ASTN2: variants seen among roughly 807,000 people sequenced by gnomAD.
ASTN2 encodes astrotactin-2.
A neutral mutation model predicts 139.8 loss-of-function variants in ASTN2; 54 were observed. That is an observed-to-expected ratio of 0.39 (90% CI 0.31 to 0.48). The LOEUF is 0.48. ASTN2 is among the 20% of genes least tolerant of loss of function. ASTN2 has a pLI of 0.95. For synonymous variants in ASTN2, 756 were observed against 719.5 expected (o/e 1.05, Z -0.81); for missense variants, 1,565 against 1,725.1 (o/e 0.91, Z 1.64).
intron 19 of ASTN2, among the ~76,000 whole-genome samples, chr9:116,524,767 T>G (rs947042931): frequency 1.3e-5 from 2 of 152,210 alleles, no homozygotes; most frequent in East Asian, 3.8e-4. Flanking sequence ...AAGTTGGCAT[T>G]CCTTCTCAGG....
At chr9:117,135,057 C>A (rs1240330107) in intron 4 of ASTN2, among the ~76,000 whole-genome samples, 2 of 152,204 alleles carry the variant, frequency 1.3e-5, no homozygotes, top group Non-Finnish European at 2.9e-5. Flanking sequence ...CTCACAGCAG[C>A]ACTGATGACA....
In ASTN2 at chr9:116,527,914, C is replaced by T. The variant is rs1003288383; in HGVS notation, c.3356-40414G>A. 1.9e-4 allele frequency among the ~76,000 whole-genome samples: 29 copies of T among 152,140 alleles called. 1 individual carries two copies. The highest frequency in any genetic ancestry group is 1.5e-5 in the Non-Finnish European group (1 of 68,034). On this transcript the variant is annotated intron_variant, in intron 19 of 22. Coordinates refer to ENST00000313400, the MANE Select transcript of ASTN2 (RefSeq NM_001365068.1). Reference sequence around the variant, plus strand: ...ACCACTACTGTAAGCTTCCTGAGGCCTCCCAAGCCACATAGAACTGTGAGT... The same window carrying T: ...ACCACTACTGTAAGCTTCCTGAGGCTTCCCAAGCCACATAGAACTGTGAGT...
chr9:116,503,020 A>C (rs760307895), intron 19 of ASTN2, among the ~76,000 whole-genome samples: 2 of 149,554 alleles, frequency 1.3e-5, no homozygotes, highest in Non-Finnish European at 3.0e-5. Flanking sequence ...AGATGAAAGG[A>C]AAGAAAAAAG....
intron 19 of ASTN2, among the ~76,000 whole-genome samples, chr9:116,559,140 G>A (rs1269544660): frequency 6.6e-6 from 1 of 152,148 alleles, no homozygotes; most frequent in Non-Finnish European, 1.5e-5. Flanking sequence ...CTGTGGGACT[G>A]GAGGAGATCT....
At chr9:117,405,604 G>T (rs1426703560) in intron 1 of ASTN2, among the ~76,000 whole-genome samples, 1 of 152,110 alleles carries the variant, frequency 6.6e-6, no homozygotes, top group Non-Finnish European at 1.5e-5. Context: ...AAACACATAG[G>T]GGTCAGTAGA....
chr9:117,380,030 G>T (rs1310785417), intron 1 of ASTN2, among the ~76,000 whole-genome samples: 2 of 152,114 alleles, frequency 1.3e-5, no homozygotes, highest in Non-Finnish European at 2.9e-5. Flanking sequence ...ACACTAATGT[G>T]AAAGGTTTTA....
At chr9:117,238,265 C>T (rs184876164) in intron 2 of ASTN2, among the ~76,000 whole-genome samples, 90 of 152,264 alleles carry the variant, frequency 5.9e-4, no homozygotes, top group African/African-American at 2.1e-3. Flanking sequence ...TGGGTGTCTA[C>T]AGCCACAGGA....
intron 2 of ASTN2, among the ~76,000 whole-genome samples, chr9:117,286,438 G>A (rs1041364466): frequency 6.9e-6 from 1 of 145,454 alleles, no homozygotes; most frequent in Non-Finnish European, 1.5e-5. Context: ...TGCAAGCTCC[G>A]CCTCCTGCCT....
In ASTN2 at chr9:116,808,277, TTGTGTGTG is replaced by T. The variant is rs10553571; in HGVS notation, c.2208-2465_2208-2458del. On this transcript the variant is annotated intron_variant, in intron 12 of 22. Transcript: ENST00000313400. Reference sequence around the variant, plus strand: ...GTTTTTCAATGCATTTAAATACATATTGTGTGTGTGTGTGTGTGTGTGTGTGTGTGTTT... The same window carrying T: ...GTTTTTCAATGCATTTAAATACATATTGTGTGTGTGTGTGTGTGTGTGTTT... Among the ~76,000 whole-genome samples the T allele has an allele frequency of 7.9e-3, 1,186 of 149,654 alleles. 13 individuals carry two copies. Among genetic ancestry groups the T allele is most frequent in the African/African-American group, 0.028 (1,126 of 40,764 alleles).
chr9:116,961,889 T>C (rs1393322647), intron 10 of ASTN2, among the ~76,000 whole-genome samples: 12 of 152,238 alleles, frequency 7.9e-5, no homozygotes, highest in Non-Finnish European at 1.8e-4. Context: ...GTAGCCAATC[T>C]ATTTACGCTA....
At chr9:116,669,182 C>T (rs1859042413) in intron 16 of ASTN2, among the ~76,000 whole-genome samples, 2 of 152,316 alleles carry the variant, frequency 1.3e-5, no homozygotes, top group Middle Eastern at 3.4e-3. Flanking sequence ...TCCACAGCAA[C>T]TGTCCCATGA....
rs567545852 is a variant in ASTN2 at position 117,141,415 on chromosome 9, C to T, written c.1079G>A (p.Arg360His). The T allele has an allele frequency of 7.7e-5, 105 of 1,367,490 alleles. 1 individual carries two copies. The highest frequency in any genetic ancestry group is 7.2e-4 in the South Asian group (63 of 88,042). The allele number at this position is 1,367,490 out of a possible 1,614,324, so 84.7% of individuals were successfully genotyped here. Residue 360 changes from arginine (R) to histidine (H), a missense_variant, in exon 4 of 23, where the codon CGC (arginine) becomes CAC (histidine). Arg to His is a conservative substitution (Grantham distance 29). Coordinates refer to ENST00000313400, the MANE Select transcript of ASTN2 (RefSeq NM_001365068.1). ...ACCGATCTCGATGGGCGTGTTAGCG[C>T]GGAAACTCTCCTTGAACTTCTGCAT... ...SLMQKFKESF[R>H]ANTPIEIGQL...
intron 4 of ASTN2, 72 bp downstream of exon 4, chr9:117,141,254 G>T (rs1363639670): frequency 1.5e-6 from 2 of 1,310,764 alleles, no homozygotes; most frequent in East Asian, 4.7e-5. Context: ...AGAATGCACA[G>T]ATCTCCCTAG....
At chr9:116,732,490 C>G (rs768562342) in intron 14 of ASTN2, among the ~76,000 whole-genome samples, 1 of 152,178 alleles carries the variant, frequency 6.6e-6, no homozygotes, top group Non-Finnish European at 1.5e-5. Context: ...GGGAACAATT[C>G]CCCTCTCAGT....
At chr9:116,810,872 T>C (rs1322089089) in intron 12 of ASTN2, among the ~76,000 whole-genome samples, 1 of 152,182 alleles carries the variant, frequency 6.6e-6, no homozygotes. Flanking sequence ...ATTTATTTCC[T>C]TATTATCTGC....
Position 116,651,482 on chromosome 9 carries a change from G to A in ASTN2, c.3072+46C>T, listed in dbSNP as rs751919216. 5.6e-6 allele frequency: 9 copies of A among 1,595,824 alleles called. 1 individual carries two copies. The South Asian group carries it at 6.8e-5, about 12-fold the overall frequency. On this transcript the variant is annotated intron_variant, in intron 17 of 22. Coordinates refer to ENST00000313400, the MANE Select transcript of ASTN2 (RefSeq NM_001365068.1). Reference sequence around the variant, plus strand: ...AAGGGTCCACAAGGGTAGGAGGTAGGAGGGCTGGTCAAGTTTGACTGAGTG... The same window carrying A: ...AAGGGTCCACAAGGGTAGGAGGTAGAAGGGCTGGTCAAGTTTGACTGAGTG...
rs1833658410 is a variant in ASTN2, at chr9:117,255,440, G to A, written c.630+35886C>T. ...TTATTTGTGTTACACCCATTTTACA[G>A]ATAAAGAAACAGGCTCACAAATAGC... On this transcript the variant is annotated intron_variant, in intron 2 of 22. Transcript: ENST00000313400. Among the ~76,000 whole-genome samples, 7 of 152,186 alleles carry A rather than the reference G, an allele frequency of 4.6e-5. No individual in the cohort carries two copies. In the South Asian group the frequency reaches 1.5e-3, roughly 32 times the overall value.
At chr9:117,370,251 C>T (rs1417875181) in intron 1 of ASTN2, among the ~76,000 whole-genome samples, 6 of 152,030 alleles carry the variant, frequency 3.9e-5, no homozygotes, top group East Asian at 1.9e-4. Context: ...ATATAATTCC[C>T]AGGACAAAAG....
intron 2 of ASTN2, among the ~76,000 whole-genome samples, chr9:117,242,228 C>G (rs756109728): frequency 3.1e-4 from 47 of 151,994 alleles, no homozygotes; most frequent in Non-Finnish European, 4.4e-4. Context: ...TGGACATAGC[C>G]TACATCCTCC....
Sources: gnomAD v4.1 joint callset for allele counts (sites outside exome capture counted in the v4.1 genomes callset) on GRCh38, gnomAD v4.1.1 for gene constraint, MANE v1.5 for transcripts, NCBI Gene and HGNC (gene_info 2026-07-23, HGNC 2026-07-21) for gene names.